The following NAV2 variants were observed in gnomAD, a reference collection of about 807,000 sequenced individuals.
NAV2 encodes the protein neuron navigator 2, also known as helicase, APC down-regulated 1.
In NAV2, 54 loss-of-function variants were observed where a neutral mutation model predicts 223.2. The observed-to-expected ratio is 0.24, with a 90% CI of 0.19 to 0.30. The LOEUF is 0.30. Among genes scored for constraint, NAV2 ranks in the 10% least tolerant of loss-of-function variants. The pLI is 1.00. For missense variants in NAV2, 2,806 were observed against 3,147.5 expected (o/e 0.89, Z 2.60); for synonymous variants, 1,279 against 1,239.3 (o/e 1.03, Z -0.67).
chr11:19,416,110 G>T (rs949903845), intron 1 of NAV2, among the ~76,000 whole-genome samples: 2 of 152,176 alleles, frequency 1.3e-5, no homozygotes, highest in African/African-American at 4.8e-5. Context: ...TCAGGCAAGA[G>T]AAAGAAATAA....
intron 4 of NAV2, among the ~76,000 whole-genome samples, chr11:19,877,412 T>G (rs1565478717): frequency 6.6e-6 from 1 of 151,850 alleles, no homozygotes; most frequent in African/African-American, 2.4e-5. Flanking sequence ...GGAAATTGTT[T>G]TCTTAACTTT....
intron 1 of NAV2, among the ~76,000 whole-genome samples, chr11:19,774,672 G>A (rs557061843): frequency 6.2e-4 from 95 of 152,122 alleles, no homozygotes; most frequent in Non-Finnish European, 1.1e-3. Context: ...AACACCCTCG[G>A]CAAAGCTGGG....
intron 17 of NAV2, among the ~76,000 whole-genome samples, chr11:20,052,939 A>G (rs892642854): frequency 2.0e-5 from 3 of 152,142 alleles, no homozygotes; most frequent in African/African-American, 7.2e-5. Context: ...GATGCAGGCC[A>G]GGTGCGGTGG....
chr11:19,475,682 G>T (rs1240283574), intron 1 of NAV2, among the ~76,000 whole-genome samples: 1 of 152,214 alleles, frequency 6.6e-6, no homozygotes, highest in Non-Finnish European at 1.5e-5. Flanking sequence ...GCCTACCACT[G>T]CCAGAGAGTG....
At chr11:19,571,100 G>A (rs1355819847) in intron 1 of NAV2, among the ~76,000 whole-genome samples, 1 of 152,176 alleles carries the variant, frequency 6.6e-6, no homozygotes, top group African/African-American at 2.4e-5. Flanking sequence ...ATATTATTCA[G>A]CAATAAAAAG....
intron 11 of NAV2, chr11:20,023,271 G>A: frequency 2.3e-6 from 1 of 443,196 alleles, no homozygotes; most frequent in Non-Finnish European, 3.8e-6. Flanking sequence ...GCTATGTGGT[G>A]GTGTGTGAGT....
intron 1 of NAV2, among the ~76,000 whole-genome samples, chr11:19,623,925 G>A (rs1732849608): frequency 6.6e-6 from 1 of 152,150 alleles, no homozygotes; most frequent in Non-Finnish European, 1.5e-5. Flanking sequence ...TTTGATGATG[G>A]TGATGTACAG....
upstream of NAV2, among the ~76,000 whole-genome samples, chr11:19,349,903 T>C (rs1429852920): frequency 6.6e-6 from 1 of 152,132 alleles, no homozygotes; most frequent in Non-Finnish European, 1.5e-5. Flanking sequence ...TGCGGCTCCA[T>C]AGGCAGTTGC....
intron 1 of NAV2, among the ~76,000 whole-genome samples, chr11:19,827,197 A>G (rs2059683596): frequency 6.6e-6 from 1 of 152,084 alleles, no homozygotes; most frequent in Non-Finnish European, 1.5e-5. Context: ...ACTACTGAGC[A>G]TGTGGTATGT....
At chr11:19,830,446 G>A (rs1374841196) in intron 1 of NAV2, among the ~76,000 whole-genome samples, 1 of 152,180 alleles carries the variant, frequency 6.6e-6, no homozygotes, top group Admixed American at 6.5e-5. Context: ...ACCTTGGACA[G>A]GTTACTTTAC....
At chr11:19,832,438 G>T in intron 1 of NAV2, 46 bp from the exon 2 acceptor site, 1 of 1,479,360 alleles carries the variant, frequency 6.8e-7, no homozygotes, top group Non-Finnish European at 9.4e-7. Context: ...ACTCTGAGAG[G>T]GGATCCGACT....
chr11:20,107,791 A>G lies in NAV2; in HGVS notation c.6960+9A>G. Reference sequence around the variant, plus strand: ...TCAGAGAAGGACTCCAGGTGAGAAGACACCCCTGCTGGCTTCCTTGAAGCT... The same window carrying G: ...TCAGAGAAGGACTCCAGGTGAGAAGGCACCCCTGCTGGCTTCCTTGAAGCT... On this transcript the variant is annotated intron_variant, in intron 36 of 37. Coordinates refer to ENST00000349880, the MANE Select transcript of NAV2 (RefSeq NM_145117.5). 6.3e-7 allele frequency: 1 copy of G among 1,582,892 alleles called. No homozygotes were observed. Among genetic ancestry groups the G allele is most frequent in the Non-Finnish European group, 8.7e-7 (1 of 1,151,590 alleles).
intron 29 of NAV2, among the ~76,000 whole-genome samples, chr11:20,094,760 G>A (rs759507663): frequency 6.6e-5 from 10 of 152,128 alleles, no homozygotes; most frequent in Non-Finnish European, 1.5e-4. Flanking sequence ...TTTGAAGCCA[G>A]GGGCAAGTGG....
chr11:19,982,274 G>C (rs981748528), intron 10 of NAV2, among the ~76,000 whole-genome samples: 1 of 150,798 alleles, frequency 6.6e-6, no homozygotes, highest in African/African-American at 2.4e-5. Flanking sequence ...GTTTTGTTTT[G>C]TTTTGTTTTT....
intron 1 of NAV2, among the ~76,000 whole-genome samples, chr11:19,404,989 G>A (rs1424905904): frequency 1.8e-4 from 27 of 152,196 alleles, no homozygotes; most frequent in Admixed American, 1.0e-3. Context: ...CCAGTTATAC[G>A]AGGCAGTGTA....
chr11:19,748,596 C>T (rs2053561235), intron 1 of NAV2, among the ~76,000 whole-genome samples: 1 of 152,168 alleles, frequency 6.6e-6, no homozygotes, highest in Admixed American at 6.5e-5. Flanking sequence ...TAGCATGGTG[C>T]CTGGCACAGA....
At chr11:19,747,074 T>C (rs35336358) in intron 1 of NAV2, among the ~76,000 whole-genome samples, 12,152 of 66,524 alleles carry the variant, frequency 0.18, 688 homozygotes, top group East Asian at 0.29. Context: ...CCCCAGTGTG[T>C]GACATTCCCC....
At chr11:19,884,321 CA>C (rs2063401259) in intron 5 of NAV2, 1 of 1,614,076 alleles carries the variant, frequency 6.2e-7, no homozygotes, top group Non-Finnish European at 8.5e-7. Context: ...CATCTCAAAG[CA>C]AAATCATCCG....
At chr11:19,640,980 T>G (rs181115359) in intron 1 of NAV2, among the ~76,000 whole-genome samples, 3 of 152,288 alleles carry the variant, frequency 2.0e-5, no homozygotes, top group Non-Finnish European at 4.4e-5. Flanking sequence ...GAGCTGGTTT[T>G]CCTCCTAACC....
Sources: gnomAD v4.1 joint callset for allele counts (sites outside exome capture counted in the v4.1 genomes callset) on GRCh38, gnomAD v4.1.1 for gene constraint, MANE v1.5 for transcripts, NCBI Gene and HGNC (gene_info 2026-07-23, HGNC 2026-07-21) for gene names.